CDH13: variants seen among roughly 807,000 people sequenced by gnomAD.
CDH13 encodes cadherin 13, also known as cadherin-13.
A neutral mutation model predicts 63.8 loss-of-function variants in CDH13; 24 were observed. The observed-to-expected ratio is 0.38, with a 90% confidence interval of 0.27 to 0.53. CDH13 has a LOEUF of 0.53. Among genes scored for constraint, CDH13 ranks in the 20% least tolerant of loss-of-function variants. The pLI is 0.85. For missense variants in CDH13, 1,049 were observed against 903.1 expected (o/e 1.16, Z -2.07); for synonymous variants, 503 against 355.3 (o/e 1.42, Z -4.67).
chr16:83,143,064 G>T (rs79832687), intron 4 of CDH13, among the ~76,000 whole-genome samples: 1 of 152,244 alleles, frequency 6.6e-6, no homozygotes, highest in African/African-American at 2.4e-5. Flanking sequence ...AGATCGTGCC[G>T]TTGCGCTCCA....
intron 2 of CDH13, among the ~76,000 whole-genome samples, chr16:82,970,197 TGTTA>T (rs1320074192): frequency 1.3e-5 from 2 of 152,190 alleles, no homozygotes; most frequent in African/African-American, 2.4e-5. Context: ...TCTGTTCTTG[TGTTA>T]GTTTGCTGAG....
intron 2 of CDH13, among the ~76,000 whole-genome samples, chr16:82,938,070 G>A (rs1348094531): frequency 6.6e-6 from 1 of 152,188 alleles, no homozygotes; most frequent in African/African-American, 2.4e-5. Context: ...TGCAACAGCG[G>A]TAGCAACAAC....
intron 6 of CDH13, among the ~76,000 whole-genome samples, chr16:83,405,021 G>A (rs2092021134): frequency 6.6e-6 from 1 of 151,370 alleles, no homozygotes. Context: ...CATTTTTTTA[G>A]CAAAATAAAA....
intron 4 of CDH13, among the ~76,000 whole-genome samples, chr16:83,131,181 G>GGGCCCC: frequency 1.9e-5 from 1 of 52,230 alleles, no homozygotes; most frequent in Non-Finnish European, 3.2e-5. Context: ...GGGGGTGTAT[G>GGGCCCC]ACCCCCCCCC....
intron 10 of CDH13, among the ~76,000 whole-genome samples, chr16:83,679,513 A>G (rs1374062353): frequency 6.6e-6 from 1 of 152,238 alleles, no homozygotes; most frequent in African/African-American, 2.4e-5. Context: ...TTATTTTCCA[A>G]CACCAAAAGT....
At chr16:83,646,570 C>T (rs140960938) in intron 8 of CDH13, among the ~76,000 whole-genome samples, 3 of 151,634 alleles carry the variant, frequency 2.0e-5, no homozygotes, top group Non-Finnish European at 4.4e-5. Context: ...GGCGTGGTGG[C>T]GCATCCCTGT....
chr16:83,162,858 T>G (rs1270794081), intron 4 of CDH13, among the ~76,000 whole-genome samples: 4 of 152,144 alleles, frequency 2.6e-5, no homozygotes, highest in Admixed American at 6.6e-5. Flanking sequence ...GATTGGGGAC[T>G]GTTGAGATGC....
At chr16:83,442,147 C>A (rs2072497000) in intron 6 of CDH13, among the ~76,000 whole-genome samples, 1 of 152,294 alleles carries the variant, frequency 6.6e-6, no homozygotes, top group African/African-American at 2.4e-5. Flanking sequence ...CCAATGCCAC[C>A]TGCGTCTTAG....
intron 2 of CDH13, among the ~76,000 whole-genome samples, chr16:82,974,063 C>T (rs148534432): frequency 6.9e-4 from 105 of 152,174 alleles, no homozygotes; most frequent in South Asian, 1.7e-3. Context: ...CCTGGGATTA[C>T]GGGCACCCAC....
intron 4 of CDH13, among the ~76,000 whole-genome samples, chr16:83,172,724 T>C (rs2037973764): frequency 6.6e-6 from 1 of 151,812 alleles, no homozygotes; most frequent in Non-Finnish European, 1.5e-5. Context: ...AGCCACCCAA[T>C]CTACAGTACT....
intron 1 of CDH13, among the ~76,000 whole-genome samples, chr16:82,635,650 G>C (rs1908563206): frequency 6.6e-6 from 1 of 152,232 alleles, no homozygotes; most frequent in Non-Finnish European, 1.5e-5. Context: ...CCAGTCTAGG[G>C]CTGAGATCAT....
chr16:83,539,784 G>C (rs1274679555), intron 7 of CDH13, among the ~76,000 whole-genome samples: 1 of 152,212 alleles, frequency 6.6e-6, no homozygotes, highest in African/African-American at 2.4e-5. Context: ...GAATAGGTTA[G>C]ACTTATTCAC....
At chr16:83,522,573 A>G (rs2151621229) in intron 7 of CDH13, among the ~76,000 whole-genome samples, 1 of 152,284 alleles carries the variant, frequency 6.6e-6, no homozygotes, top group Admixed American at 6.5e-5. Context: ...GTGGCCAATA[A>G]ATGTCTAGTT....
At chr16:82,935,289 G>A (rs2042632815) in intron 2 of CDH13, among the ~76,000 whole-genome samples, 1 of 152,142 alleles carries the variant, frequency 6.6e-6, no homozygotes, top group Non-Finnish European at 1.5e-5. Flanking sequence ...ACTATCATGA[G>A]AACAGCATGA....
intron 8 of CDH13, among the ~76,000 whole-genome samples, chr16:83,667,965 C>A (rs1914150370): frequency 6.6e-6 from 1 of 152,076 alleles, no homozygotes; most frequent in Non-Finnish European, 1.5e-5. Flanking sequence ...GCCCAGCCCC[C>A]AAAATAAATT....
chr16:82,879,661 ATAT>A (rs2040625231), intron 2 of CDH13, among the ~76,000 whole-genome samples: 1 of 139,522 alleles, frequency 7.2e-6, no homozygotes, highest in Non-Finnish European at 1.5e-5. Context: ...TTTAGATATA[ATAT>A]ATTTTACATA....
chr16:83,607,918 A>T (rs1423357516), intron 8 of CDH13, among the ~76,000 whole-genome samples: 5 of 152,092 alleles, frequency 3.3e-5, no homozygotes, highest in East Asian at 1.9e-4. Context: ...TTATTTTATT[A>T]AAAAAAAGAT....
intron 6 of CDH13, among the ~76,000 whole-genome samples, chr16:83,347,514 C>A (rs1390358947): frequency 6.6e-6 from 1 of 152,152 alleles, no homozygotes; most frequent in Non-Finnish European, 1.5e-5. Flanking sequence ...GTGAACACAG[C>A]CATCAGGTAT....
chr16:83,731,014 A>G (rs184139254), intron 10 of CDH13, among the ~76,000 whole-genome samples: 27 of 152,330 alleles, frequency 1.8e-4, no homozygotes, highest in African/African-American at 6.0e-4. Flanking sequence ...TCACAGCTGC[A>G]TAGTATTCCA....
Sources: allele counts gnomAD v4.1 joint callset (sites outside exome capture counted in the v4.1 genomes callset), GRCh38; gene constraint gnomAD v4.1.1; transcripts MANE v1.5; gene names NCBI Gene and HGNC (gene_info 2026-07-23, HGNC 2026-07-21).